CNTN5: variants seen among roughly 807,000 people sequenced by gnomAD.
CNTN5 encodes contactin-5.
Under a neutral mutation model 129.1 loss-of-function variants are expected in CNTN5, and 77 were observed. That is an observed-to-expected ratio of 0.60 (90% CI 0.50 to 0.72). CNTN5 has a LOEUF of 0.72. Ranked by LOEUF, CNTN5 falls within the 30% of genes least tolerant of loss-of-function variation. The pLI is 0.00. For synonymous variants in CNTN5, 509 were observed against 465.6 expected (o/e 1.09, Z -1.20); for missense variants, 1,478 against 1,328.8 (o/e 1.11, Z -1.75).
At chr11:99,756,382 T>C (rs558030971) in intron 3 of CNTN5, among the ~76,000 whole-genome samples, 1 of 152,134 alleles carries the variant, frequency 6.6e-6, no homozygotes, top group African/African-American at 2.4e-5. Flanking sequence ...GTGTATTATT[T>C]GCATAGATTA....
At chr11:100,211,997 T>C (rs921873244) in intron 15 of CNTN5, among the ~76,000 whole-genome samples, 2 of 152,088 alleles carry the variant, frequency 1.3e-5, no homozygotes, top group Non-Finnish European at 2.9e-5. Flanking sequence ...AAGGATGACT[T>C]TCCCCCTACT....
In CNTN5 at chr11:100,215,963, G is replaced by A. The variant is rs570900872; in HGVS notation, c.1885-8729G>A. On this transcript the variant is annotated intron_variant, in intron 15 of 24. Transcript: ENST00000524871. ...TCCCTCCTCTATGAGACCAGAGATC[G>A]AAGGTGAAAAAGAAATTGCTTTTAT... 4.6e-5 allele frequency among the ~76,000 whole-genome samples: 7 copies of A among 152,208 alleles called. No individual in the cohort carries two copies. In the South Asian group the frequency reaches 6.2e-4, roughly 14 times the overall value.
At chr11:100,092,954 C>G (rs1050234226) in intron 13 of CNTN5, among the ~76,000 whole-genome samples, 2 of 152,084 alleles carry the variant, frequency 1.3e-5, no homozygotes, top group African/African-American at 4.8e-5. Flanking sequence ...TTCGCAGATC[C>G]CTACTCGCCC....
rs183834825 is a variant in CNTN5 at position 99,837,766 on chromosome 11, C to T, written c.278-7086C>T. ...AATTACACTAATATAATTTTAACAT[C>T]AAGAATAAAGTGGGCTCTTAGGAAA... On this transcript the variant is annotated intron_variant, in intron 4 of 24. Transcript: ENST00000524871. Among the ~76,000 whole-genome samples, 704 of 149,112 alleles carry T rather than the reference C, an allele frequency of 4.7e-3. 3 individuals carry two copies. Among genetic ancestry groups the T allele is most frequent in the Middle Eastern group, 0.015 (4 of 272 alleles).
At chr11:99,766,016 C>A (rs1053021045) in intron 3 of CNTN5, among the ~76,000 whole-genome samples, 1 of 151,926 alleles carries the variant, frequency 6.6e-6, no homozygotes, top group African/African-American at 2.4e-5. Context: ...TCTTGAATAT[C>A]ATCTGTGATT....
At chr11:100,217,076 A>AT (rs1390576130) in intron 15 of CNTN5, among the ~76,000 whole-genome samples, 2 of 152,018 alleles carry the variant, frequency 1.3e-5, no homozygotes, top group East Asian at 1.9e-4. Context: ...CACTAAAATC[A>AT]TTTTTTTCTG....
chr11:99,132,867 C>T (rs1198321419), intron 1 of CNTN5, among the ~76,000 whole-genome samples: 1 of 152,040 alleles, frequency 6.6e-6, no homozygotes, highest in Admixed American at 6.6e-5. Context: ...TCCCATTAAA[C>T]TACAATTGAC....
At chr11:99,572,658 A>G (rs967736990) in intron 3 of CNTN5, among the ~76,000 whole-genome samples, 2 of 152,202 alleles carry the variant, frequency 1.3e-5, no homozygotes, top group African/African-American at 4.8e-5. Flanking sequence ...CTGATGATAT[A>G]ATGCTCCCCT....
At chr11:99,762,638 T>C (rs918298907) in intron 3 of CNTN5, among the ~76,000 whole-genome samples, 1 of 152,124 alleles carries the variant, frequency 6.6e-6, no homozygotes, top group Non-Finnish European at 1.5e-5. Context: ...TCTGTTTTGG[T>C]ACCAGTACCA....
At chr11:100,041,660 T>G (rs1942387227) in intron 9 of CNTN5, among the ~76,000 whole-genome samples, 1 of 152,214 alleles carries the variant, frequency 6.6e-6, no homozygotes, top group Non-Finnish European at 1.5e-5. Context: ...TTGCCTATAG[T>G]TGGGACATAG....
intron 9 of CNTN5, among the ~76,000 whole-genome samples, chr11:100,006,092 G>T (rs539249153): frequency 6.6e-6 from 1 of 152,078 alleles, no homozygotes; most frequent in Admixed American, 6.6e-5. Flanking sequence ...ACATTATATT[G>T]TATGTTATTA....
intron 2 of CNTN5, among the ~76,000 whole-genome samples, chr11:99,382,127 A>C (rs2136162446): frequency 6.6e-6 from 1 of 152,318 alleles, no homozygotes; most frequent in African/African-American, 2.4e-5. Context: ...TAATCAGCGA[A>C]ACTTGGTTCA....
chr11:99,987,560 CATACAT>C (rs1211469147), intron 8 of CNTN5, among the ~76,000 whole-genome samples: 2 of 150,470 alleles, frequency 1.3e-5, no homozygotes, highest in Non-Finnish European at 3.0e-5. Context: ...CACACACACA[CATACAT>C]ATATGCACAG....
intron 7 of CNTN5, among the ~76,000 whole-genome samples, chr11:99,932,250 T>A (rs1950209550): frequency 6.6e-6 from 1 of 152,208 alleles, no homozygotes; most frequent in East Asian, 1.9e-4. Context: ...TGGAGTTCAA[T>A]GGGTCGATCT....
rs1429383495 is a variant in CNTN5 at position 100,281,637 on chromosome 11, T to A, written c.2314+10396T>A. Among the ~76,000 whole-genome samples, 4 of 152,280 alleles carry A rather than the reference T, an allele frequency of 2.6e-5. No homozygotes were observed. The South Asian group carries it at 6.2e-4, about 24-fold the overall frequency. ...TTAAATGTTAATATTTTTCTCTAGGTTTGGGAAGTTCTCTGATATTATCCA... is the reference window on the plus strand; with the variant it reads ...TTAAATGTTAATATTTTTCTCTAGGATTGGGAAGTTCTCTGATATTATCCA... On this transcript the variant is annotated intron_variant, in intron 18 of 24. Transcript: ENST00000524871.
At chr11:99,318,605 C>T (rs1299985195) in intron 1 of CNTN5, among the ~76,000 whole-genome samples, 1 of 151,798 alleles carries the variant, frequency 6.6e-6, no homozygotes, top group Non-Finnish European at 1.5e-5. Flanking sequence ...TCATCCAAAA[C>T]ATCTACAGGG....
At chr11:99,866,701 T>C (rs1281153850) in intron 6 of CNTN5, among the ~76,000 whole-genome samples, 1 of 152,330 alleles carries the variant, frequency 6.6e-6, no homozygotes, top group East Asian at 1.9e-4. Flanking sequence ...TGACTCAGGA[T>C]TACTTATTTG....
chr11:100,055,498 G>A (rs987353045), intron 9 of CNTN5, among the ~76,000 whole-genome samples: 8 of 151,384 alleles, frequency 5.3e-5, no homozygotes, highest in Non-Finnish European at 8.9e-5. Flanking sequence ...TTCAATATTT[G>A]TAGATTTGAT....
At position 100,297,626 on chromosome 11, in the gene CNTN5, TC is replaced by T. The variant is rs1436758928; in HGVS notation, c.2318del (p.Pro773ArgfsTer8). The T allele has an allele frequency of 1.2e-6, 2 of 1,605,428 alleles. No homozygotes were observed. Among genetic ancestry groups the T allele is most frequent in the African/African-American group, 2.7e-5 (2 of 74,486 alleles). On this transcript the variant is annotated frameshift_variant and splice_region_variant, in exon 19 of 25. Coordinates refer to ENST00000524871, the MANE Select transcript of CNTN5 (RefSeq NM_014361.4). LOFTEE classifies it high-confidence loss of function. ...SRMIRTNEAV[P>X]KTAPTNVSGR... Reference sequence around the variant, plus strand: ...CTCTCCACCCATTTTTATCCACAGTTCCGAAGACAGCACCCACCAATGTAAG... The same window carrying T: ...CTCTCCACCCATTTTTATCCACAGTTCGAAGACAGCACCCACCAATGTAAG...
Sources: allele counts gnomAD v4.1 joint callset (sites outside exome capture counted in the v4.1 genomes callset), GRCh38; gene constraint gnomAD v4.1.1; transcripts MANE v1.5; gene names NCBI Gene and HGNC (gene_info 2026-07-23, HGNC 2026-07-21).